The following ISM1 variants were observed in gnomAD, a reference collection of about 807,000 sequenced individuals.
ISM1 encodes isthmin 1.
A neutral mutation model predicts 46.3 loss-of-function variants in ISM1; 25 were observed. The ratio of observed to expected loss-of-function variants is 0.54; its 90% CI spans 0.39 to 0.75. The LOEUF (loss-of-function observed/expected upper bound fraction) is 0.75. Among genes scored for constraint, ISM1 ranks in the 30% least tolerant of loss-of-function variants. The probability of loss-of-function intolerance (pLI) is 0.00; values close to 1 mark genes in which losing one functional copy is unlikely to be tolerated. For missense variants in ISM1, 536 were observed against 625.4 expected, an observed-to-expected ratio of 0.86 and a Z score of 1.52; for synonymous variants, 255 against 256.7, an observed-to-expected ratio of 0.99 and a Z score of 0.06.
At chr20:13,306,022 A>G in the ISM1 span, among the ~76,000 whole-genome samples, 3 of 152,164 alleles carry the variant, frequency 2.0e-5, no homozygotes, top group East Asian at 1.9e-4. Context: ...CTAATTTTCT[A>G]TCTGTTCTGG....
chr20:13,280,566 C>T (rs371837558), intron 3 of ISM1, among the ~76,000 whole-genome samples: 1 of 152,294 alleles, frequency 6.6e-6, no homozygotes, highest in East Asian at 1.9e-4. Context: ...TTCAGGGATC[C>T]AGCCTCCTCC....
chr20:13,261,123 C>G (rs1333554398), intron 1 of ISM1, among the ~76,000 whole-genome samples: 1 of 152,158 alleles, frequency 6.6e-6, no homozygotes, highest in African/African-American at 2.4e-5. Context: ...CAGTAAGAAG[C>G]TCAAAGAAGG....
the ISM1 span, among the ~76,000 whole-genome samples, chr20:13,306,564 C>CAAAAAAAAAAAAAAAAAAAAG: frequency 1.6e-5 from 1 of 63,912 alleles, no homozygotes; most frequent in African/African-American, 7.2e-5. Context: ...GGAGAAAGGA[C>CAAAAAAAAAAAAAAAAAAAAG]AAAAAAAAAA....
chr20:13,325,184 C>T, the ISM1 span, among the ~76,000 whole-genome samples: 2 of 152,206 alleles, frequency 1.3e-5, no homozygotes, highest in Admixed American at 6.5e-5. Context: ...GGGGATGGCC[C>T]TGGAGTGTCT....
downstream of ISM1, among the ~76,000 whole-genome samples, chr20:13,301,778 G>T (rs1227866282): frequency 6.6e-6 from 1 of 152,078 alleles, no homozygotes; most frequent in Non-Finnish European, 1.5e-5. Context: ...AGGTATTCAA[G>T]CAGAGGCTGG....
the ISM1 span, among the ~76,000 whole-genome samples, chr20:13,318,908 T>C: frequency 6.6e-6 from 1 of 152,178 alleles, no homozygotes; most frequent in African/African-American, 2.4e-5. Context: ...CAGAACACTT[T>C]CAGGACAGTG....
chr20:13,222,700 C>G (rs1425648791), intron 1 of ISM1, among the ~76,000 whole-genome samples: 1 of 152,190 alleles, frequency 6.6e-6, no homozygotes, highest in Non-Finnish European at 1.5e-5. Flanking sequence ...AGTGGACGGT[C>G]AGACATAATG....
chr20:13,303,122 A>AGGTCAGAC (rs1359440749), downstream of ISM1, among the ~76,000 whole-genome samples: 18 of 152,356 alleles, frequency 1.2e-4, no homozygotes, highest in Non-Finnish European at 2.4e-4. Context: ...AGGTTAGCTA[A>AGGTCAGAC]CTTGTTCAAG....
intron 1 of ISM1, chr20:13,244,203 G>C (rs1425498983): frequency 6.6e-6 from 1 of 152,176 alleles, no homozygotes; most frequent in Non-Finnish European, 1.5e-5. Context: ...GCAGAGGTCT[G>C]CTTGAACATT....
chr20:13,299,487 G>A lies in ISM1; in HGVS notation c.*28G>A, dbSNP rs1233889949. 2 of 1,569,896 alleles carry A rather than the reference G, an allele frequency of 1.3e-6. No individual in the cohort carries two copies. Among genetic ancestry groups the A allele is most frequent in the South Asian group, 2.3e-5 (2 of 87,672 alleles). On this transcript the variant is annotated 3_prime_UTR_variant, in exon 6 of 6. Coordinates refer to ENST00000262487, the MANE Select transcript of ISM1 (RefSeq NM_080826.2). This position sits in a 1 kb window ranked among gnomAD's most constrained non-coding sequence, Gnocchi z 5.8. ...AGACTGGGATGAGGTGGAGGACGCT[G>A]CCTCTGGTTCTGGAGCACACACGTG... is the stretch of plus-strand genomic sequence containing the variant.
chr20:13,240,231 G>A (rs2039703532), intron 1 of ISM1, among the ~76,000 whole-genome samples: 1 of 152,204 alleles, frequency 6.6e-6, no homozygotes, highest in South Asian at 2.1e-4. Flanking sequence ...ACAAGCTTAT[G>A]TTCTAGAAAG....
At chr20:13,296,049 G>A (rs1275271011) in intron 5 of ISM1, among the ~76,000 whole-genome samples, 1 of 152,094 alleles carries the variant, frequency 6.6e-6, no homozygotes, top group African/African-American at 2.4e-5. Context: ...GACACCCCTG[G>A]GGCTTTTTGC....
intron 1 of ISM1, among the ~76,000 whole-genome samples, chr20:13,268,040 C>T (rs913111829): frequency 2.0e-5 from 3 of 152,208 alleles, no homozygotes; most frequent in African/African-American, 7.2e-5. Context: ...CAAATGCATT[C>T]AGCTATCTCC....
intron 2 of ISM1, among the ~76,000 whole-genome samples, chr20:13,271,281 A>G (rs1304467964): frequency 6.6e-6 from 1 of 152,216 alleles, no homozygotes. Flanking sequence ...CATGACTTAC[A>G]AAACAATAAG....
chr20:13,250,397 A>AT (rs1295192780), intron 1 of ISM1, among the ~76,000 whole-genome samples: 1 of 152,198 alleles, frequency 6.6e-6, no homozygotes, highest in Admixed American at 6.5e-5. Flanking sequence ...AAGACGTGAG[A>AT]ATGAAGTCCT....
chr20:13,249,162 T>TG (rs1029330311), intron 1 of ISM1, among the ~76,000 whole-genome samples: 2 of 152,158 alleles, frequency 1.3e-5, no homozygotes, highest in African/African-American at 4.8e-5. Context: ...CACAAAGATC[T>TG]GGGGGGAAAA....
intron 1 of ISM1, among the ~76,000 whole-genome samples, chr20:13,252,708 C>A (rs1422673821): frequency 6.6e-6 from 1 of 151,962 alleles, no homozygotes; most frequent in Non-Finnish European, 1.5e-5. Flanking sequence ...TGGGCCAAGA[C>A]TGCACCACTT....
the ISM1 span, among the ~76,000 whole-genome samples, chr20:13,319,222 G>GA: frequency 4.4e-4 from 64 of 144,314 alleles, no homozygotes; most frequent in South Asian, 2.4e-3. Flanking sequence ...TTAGGTAGAA[G>GA]AAAAAAAAAA....
At position 13,279,014 on chromosome 20, in the gene ISM1, C is replaced by T. The variant is rs560526555; in HGVS notation, c.379-620C>T. The stretch of plus-strand genomic sequence containing the variant: ...TACCTGTCACCATTCCACTCCTACC[C>T]ATTCTGCTGGACAGAGTGAATCACA... On this transcript the variant is annotated intron_variant, in intron 2 of 5. Transcript: ENST00000262487. Among the ~76,000 whole-genome samples, 488 of 152,328 alleles carry T rather than the reference C, an allele frequency of 3.2e-3. 4 individuals are homozygous for T. The highest frequency in any genetic ancestry group is 0.012 in the Admixed American group (187 of 15,304).
Sources: gnomAD v4.1 joint callset for allele counts (sites outside exome capture counted in the v4.1 genomes callset) on GRCh38, gnomAD v4.1.1 for gene constraint, Gnocchi (gnomAD v3.1) non-coding constraint, MANE v1.5 for transcripts, NCBI Gene and HGNC (gene_info 2026-07-23, HGNC 2026-07-21) for gene names.